Variants in DYRK2 observed in about 807,000 individuals in gnomAD.
The protein encoded by DYRK2 is dual specificity tyrosine-phosphorylation-regulated kinase 2.
A neutral mutation model predicts 41.6 loss-of-function variants in DYRK2; 12 were observed. The ratio of observed to expected loss-of-function variants is 0.29; its 90% confidence interval spans 0.18 to 0.47. The LOEUF is 0.47. Ranked by LOEUF, DYRK2 falls within the 20% of genes least tolerant of loss-of-function variation. DYRK2 has a pLI of 1.00. For missense variants in DYRK2, 678 were observed against 798.4 expected, an observed-to-expected ratio of 0.85 and a Z score of 1.82; for synonymous variants, 322 against 315.7, an observed-to-expected ratio of 1.02 and a Z score of -0.21.
chr12:67,659,371 C>T lies in DYRK2; in HGVS notation c.*658C>T, dbSNP rs4913352. 6.0e-6 allele frequency: 1 copy of T among 167,072 alleles called. No individual in the cohort carries two copies. Among genetic ancestry groups the T allele is most frequent in the East Asian group, 1.9e-4 (1 of 5,202 alleles). 10.3% of individuals were successfully genotyped at this position (167,072 alleles called of 1,614,324 possible). ...TTTAGTGGATAAATGGGAATGGAAACGTGTGTGTTCCTCCAAATTTTCTAG... is the reference window on the plus strand; with the variant it reads ...TTTAGTGGATAAATGGGAATGGAAATGTGTGTGTTCCTCCAAATTTTCTAG... On this transcript the variant is annotated 3_prime_UTR_variant, in exon 3 of 3. Coordinates refer to ENST00000344096, the MANE Select transcript of DYRK2 (RefSeq NM_006482.3).
In DYRK2 at chr12:67,657,945, C is replaced by G; in HGVS notation, c.1038C>G (p.His346Gln). Residue 346 changes from histidine (H) to glutamine (Q), a missense_variant, in exon 3 of 3, where the codon CAC (histidine) becomes CAG (glutamine). His to Gln is a conservative substitution (Grantham distance 24). This residue lies in a region of DYRK2 where 393 missense variants were observed against 519.1 expected (regional missense o/e 0.76). Coordinates refer to ENST00000344096, the MANE Select transcript of DYRK2 (RefSeq NM_006482.3). This position sits in a 1 kb window ranked among gnomAD's most constrained non-coding sequence, Gnocchi z 4.8. ...CTTTGCACAAAAACAGAATAATTCA[C>G]TGTGACCTTAAGCCCGAGAACATTT... The part of the protein sequence containing the change: ...LDALHKNRII[H>Q]CDLKPENILL... 1 of 1,614,246 alleles carries G rather than the reference C, an allele frequency of 6.2e-7. No individual in the cohort carries two copies. Among genetic ancestry groups the G allele is most frequent in the Non-Finnish European group, 8.5e-7 (1 of 1,180,048 alleles).
At chr12:67,654,866 G>T (rs903447461) in intron 2 of DYRK2, among the ~76,000 whole-genome samples, 1 of 152,144 alleles carries the variant, frequency 6.6e-6, no homozygotes, top group African/African-American at 2.4e-5. Context: ...GAACAAATGC[G>T]CAAACATCAG....
chr12:67,659,237 C>G lies in DYRK2; in HGVS notation c.*524C>G, dbSNP rs1366655952. The G allele has an allele frequency of 6.0e-6, 1 of 167,110 alleles. No individual in the cohort carries two copies. The highest frequency in any genetic ancestry group is 1.5e-5 in the Non-Finnish European group (1 of 68,142). 10.4% of individuals were successfully genotyped at this position (167,110 alleles called of 1,614,324 possible). The stretch of plus-strand genomic sequence containing the variant: ...AATCAAAGTGACATTCTAAGAAAAA[C>G]TGTACCTTAGAGATTTTCCTCTAGT... On this transcript the variant is annotated 3_prime_UTR_variant, in exon 3 of 3. Coordinates refer to ENST00000344096, the MANE Select transcript of DYRK2 (RefSeq NM_006482.3).
intron 2 of DYRK2, among the ~76,000 whole-genome samples, chr12:67,653,198 C>G (rs12298973): frequency 6.6e-6 from 1 of 151,986 alleles, no homozygotes; most frequent in Non-Finnish European, 1.5e-5. Flanking sequence ...GCCATGATCT[C>G]AGACTTCAAG....
rs1399392269 is a variant in DYRK2, at chr12:67,664,475, T to G, written c.*5762T>G. The G allele has an allele frequency of 6.6e-6, 1 of 152,178 alleles. No individual in the cohort carries two copies. The highest frequency in any genetic ancestry group is 1.9e-4 in the East Asian group (1 of 5,202). 9.4% of individuals were successfully genotyped at this position (152,178 alleles called of 1,614,324 possible). ...AGAAAGCTCCTTGGAGATTTCATGA[T>G]GTTGGATGAACATCAGTTTATCCTT... is the stretch of plus-strand genomic sequence containing the variant. On this transcript the variant is annotated 3_prime_UTR_variant, in exon 3 of 3. Coordinates refer to ENST00000344096, the MANE Select transcript of DYRK2 (RefSeq NM_006482.3).
chr12:67,657,074 TTTTCTA>T lies in DYRK2; in HGVS notation c.199-28_199-23del, dbSNP rs1246373099. 2.0e-6 allele frequency: 3 copies of T among 1,526,488 alleles called. No individual in the cohort carries two copies. The South Asian group carries it at 3.9e-5, about 20-fold the overall frequency. 94.6% of individuals were successfully genotyped at this position (1,526,488 alleles called of 1,614,324 possible). Reference sequence around the variant, plus strand: ...ACACCATTTGAACAGACACCACTTCTTTTCTATTTATATTTCCTGTCTGAATTCCAG... The same window carrying T: ...ACACCATTTGAACAGACACCACTTCTTTTATATTTCCTGTCTGAATTCCAG... On this transcript the variant is annotated intron_variant, in intron 2 of 2. Transcript: ENST00000344096. The surrounding 1 kb of genome is among the most constrained non-coding windows in gnomAD (Gnocchi z 4.8).
In DYRK2 at chr12:67,663,822, T is replaced by A. The variant is rs191818288; in HGVS notation, c.*5109T>A. The A allele has an allele frequency of 6.6e-6, 1 of 152,218 alleles. No homozygotes were observed. Among genetic ancestry groups the A allele is most frequent in the Admixed American group, 6.5e-5 (1 of 15,280 alleles). 9.4% of individuals were successfully genotyped at this position (152,218 alleles called of 1,614,324 possible). ...ATCAATGTGCAATTCTGTTTGAGTC[T>A]CTACAGTCCTATCCCTTTTGGAATG... On this transcript the variant is annotated 3_prime_UTR_variant, in exon 3 of 3. Coordinates refer to ENST00000344096, the MANE Select transcript of DYRK2 (RefSeq NM_006482.3).
At chr12:67,655,040 G>A (rs576805554) in intron 2 of DYRK2, among the ~76,000 whole-genome samples, 7 of 152,260 alleles carry the variant, frequency 4.6e-5, no homozygotes, top group Non-Finnish European at 8.8e-5. Flanking sequence ...GAAGGCAGTT[G>A]GAGATATAGA....
At position 67,659,405 on chromosome 12, in the gene DYRK2, G is replaced by C. The variant is rs1872567801; in HGVS notation, c.*692G>C. 1 of 167,086 alleles carries C rather than the reference G, an allele frequency of 6.0e-6. No individual in the cohort carries two copies. Among genetic ancestry groups the C allele is most frequent in the Admixed American group, 6.5e-5 (1 of 15,278 alleles). 10.4% of individuals were successfully genotyped at this position (167,086 alleles called of 1,614,324 possible). A position where few individuals can be genotyped will look rare whatever the true frequency, so the allele number is the denominator to read the frequency against. The stretch of plus-strand genomic sequence containing the variant: ...TCCTCCAAATTTTCTAGTATGATCG[G>C]TGAGCTGTTTTGTAAAGAAGCCTCA... On this transcript the variant is annotated 3_prime_UTR_variant, in exon 3 of 3. Coordinates refer to ENST00000344096, the MANE Select transcript of DYRK2 (RefSeq NM_006482.3).
At chr12:67,655,244 A>G (rs1211421502) in intron 2 of DYRK2, among the ~76,000 whole-genome samples, 1 of 152,224 alleles carries the variant, frequency 6.6e-6, no homozygotes, top group Non-Finnish European at 1.5e-5. Flanking sequence ...TTTTTATAGC[A>G]TGTATACAGG....
In DYRK2 at chr12:67,658,710, C is replaced by T. The variant is rs1427465540; in HGVS notation, c.1803C>T (p.Ser601=). 5.6e-6 allele frequency: 9 copies of T among 1,599,436 alleles called. No individual in the cohort carries two copies. The highest frequency in any genetic ancestry group is 7.7e-6 in the Non-Finnish European group (9 of 1,172,666). The part of the protein sequence containing the change: ...QQRTVLPKLV[S] ...GGACAGTGTTGCCAAAACTTGTTAG[C>T]TGAGCTCACGTCCCCTGATGCTGGT... Residue 601 remains serine, a synonymous_variant, in exon 3 of 3, where the codon AGC becomes AGT. Transcript: ENST00000344096. The surrounding 1 kb of genome is among the most constrained non-coding windows in gnomAD (Gnocchi z 4.3).
At chr12:67,649,759 CT>C (rs767186702) in intron 1 of DYRK2, 37 bp from the exon 2 acceptor site, 68 of 1,310,706 alleles carry the variant, frequency 5.2e-5, no homozygotes, top group East Asian at 1.4e-4. Flanking sequence ...TTTCTCCCCC[CT>C]GACCCTCTTT....
chr12:67,656,394 C>T (rs1293388073), intron 2 of DYRK2, among the ~76,000 whole-genome samples: 3 of 152,158 alleles, frequency 2.0e-5, no homozygotes, highest in African/African-American at 4.8e-5. Context: ...ACAGTGTGGT[C>T]GTTGCTTGGT....
At chr12:67,649,707 G>T (rs903391240) in intron 1 of DYRK2, 90 bp from the exon 2 acceptor site, 2 of 1,247,200 alleles carry the variant, frequency 1.6e-6, no homozygotes, top group African/African-American at 1.5e-5. Context: ...TTGGAAGAGG[G>T]TTGTCGCTGC....
At position 67,649,084 on chromosome 12, in the gene DYRK2, AC is replaced by A. The variant is rs765647641; in HGVS notation, c.-48del. The A allele has an allele frequency of 6.9e-7, 1 of 1,440,776 alleles. No homozygotes were observed. Among genetic ancestry groups the A allele is most frequent in the East Asian group, 3.1e-5 (1 of 32,280 alleles). The allele number at this position is 1,440,776 out of a possible 1,614,324, so 89.2% of individuals were successfully genotyped here. Reference sequence around the variant, plus strand: ...GGCGGCCGCCAGAAGTAGCAGCAGGACCGGCGGCGGCGACGGCAGCCCTGAA... The same window carrying A: ...GGCGGCCGCCAGAAGTAGCAGCAGGACGGCGGCGGCGACGGCAGCCCTGAA... On this transcript the variant is annotated 5_prime_UTR_variant, in exon 1 of 3. Coordinates refer to ENST00000344096, the MANE Select transcript of DYRK2 (RefSeq NM_006482.3).
chr12:67,652,764 C>T (rs1872356584), intron 2 of DYRK2: 1 of 152,154 alleles, frequency 6.6e-6, no homozygotes, highest in Non-Finnish European at 1.5e-5. Flanking sequence ...CTTTGCAGGT[C>T]TCTCAATTCG....
In DYRK2 at chr12:67,658,927, T is replaced by C. The variant is rs1872557723; in HGVS notation, c.*214T>C. 1 of 496,592 alleles carries C rather than the reference T, an allele frequency of 2.0e-6. No homozygotes were observed. The highest frequency in any genetic ancestry group is 3.5e-6 in the Non-Finnish European group (1 of 289,314). The allele number at this position is 496,592 out of a possible 1,614,324, so 30.8% of individuals were successfully genotyped here. On this transcript the variant is annotated 3_prime_UTR_variant, in exon 3 of 3. Transcript: ENST00000344096. The surrounding 1 kb of genome is among the most constrained non-coding windows in gnomAD (Gnocchi z 4.3). Reference sequence around the variant, plus strand: ...TAAGTTTTTATACTTTCAGAAACTTTTTGTGTTCTAAAAGTACAATGAGCC... The same window carrying C: ...TAAGTTTTTATACTTTCAGAAACTTCTTGTGTTCTAAAAGTACAATGAGCC...
intron 2 of DYRK2, among the ~76,000 whole-genome samples, chr12:67,652,324 T>A (rs185198311): frequency 2.4e-4 from 37 of 152,312 alleles, no homozygotes; most frequent in African/African-American, 7.2e-4. Context: ...TAGTTATTAA[T>A]AGAAGTATTT....
In DYRK2 at chr12:67,661,727, C is replaced by G. The variant is rs895326673; in HGVS notation, c.*3014C>G. ...AAGATAACCATCAGGTAGTGTTACA[C>G]AAGGACTTCCTATATTTAAGGGGTT... On this transcript the variant is annotated 3_prime_UTR_variant, in exon 3 of 3. Coordinates refer to ENST00000344096, the MANE Select transcript of DYRK2 (RefSeq NM_006482.3). 5 of 166,936 alleles carry G rather than the reference C, an allele frequency of 3.0e-5. No homozygotes were observed. Among genetic ancestry groups the G allele is most frequent in the African/African-American group, 1.2e-4 (5 of 41,430 alleles). 10.3% of individuals were successfully genotyped at this position (166,936 alleles called of 1,614,324 possible).
Sources: allele counts gnomAD v4.1 joint callset (sites outside exome capture counted in the v4.1 genomes callset), GRCh38; gene constraint gnomAD v4.1.1; regional missense constraint gnomAD v4.1.1; non-coding constraint Gnocchi (gnomAD v3.1); transcripts MANE v1.5; gene names NCBI Gene and HGNC (gene_info 2026-07-23, HGNC 2026-07-21).